Variants in CFAP299 observed in about 807,000 individuals in gnomAD.
CFAP299 encodes cilia and flagella associated protein 299.
CFAP299 carries 21 observed loss-of-function variants against 27.0 expected under a neutral mutation model. The observed-to-expected ratio is 0.78, with a 90% CI of 0.55 to 1.12. The LOEUF is 1.12. CFAP299 is among the 50% of genes most tolerant of loss of function. CFAP299 has a pLI of 0.00. For missense variants in CFAP299, 310 were observed against 276.6 expected, an observed-to-expected ratio of 1.12 and a Z score of -0.86; for synonymous variants, 104 against 98.1, an observed-to-expected ratio of 1.06 and a Z score of -0.36.
At chr4:80,442,728 C>CA (rs1275877263) in intron 2 of CFAP299, among the ~76,000 whole-genome samples, 3 of 152,152 alleles carry the variant, frequency 2.0e-5, no homozygotes, top group Non-Finnish European at 4.4e-5. Flanking sequence ...AAAAACCCTT[C>CA]AAAAAATCAA....
chr4:80,958,176 T>C (rs1269388156), intron 5 of CFAP299, among the ~76,000 whole-genome samples: 2 of 152,148 alleles, frequency 1.3e-5, no homozygotes, highest in Non-Finnish European at 1.5e-5. Flanking sequence ...TTAAGATAAC[T>C]TATACATAGT....
At chr4:80,934,264 C>A (rs1736772769) in intron 4 of CFAP299, among the ~76,000 whole-genome samples, 2 of 151,970 alleles carry the variant, frequency 1.3e-5, no homozygotes, top group African/African-American at 4.8e-5. Flanking sequence ...AGGGATAAAT[C>A]CTACTTGCAA....
At chr4:80,365,388 G>A (rs1723778024) in intron 2 of CFAP299, among the ~76,000 whole-genome samples, 1 of 152,128 alleles carries the variant, frequency 6.6e-6, no homozygotes, top group African/African-American at 2.4e-5. Context: ...CCGCATGTAT[G>A]TCTTCTTTTG....
At chr4:80,572,109 T>C (rs1046276071) in intron 2 of CFAP299, among the ~76,000 whole-genome samples, 2 of 152,182 alleles carry the variant, frequency 1.3e-5, no homozygotes, top group African/African-American at 4.8e-5. Context: ...GATATTTTGA[T>C]ACATGCAGAG....
intron 3 of CFAP299, among the ~76,000 whole-genome samples, chr4:80,631,192 T>A (rs2109946600): frequency 6.6e-6 from 1 of 152,240 alleles, no homozygotes; most frequent in African/African-American, 2.4e-5. Context: ...TCAGTATTTA[T>A]AAAAGTTGCC....
intron 2 of CFAP299, among the ~76,000 whole-genome samples, chr4:80,491,519 A>G (rs780778411): frequency 1.1e-4 from 17 of 152,132 alleles, no homozygotes; most frequent in Non-Finnish European, 2.1e-4. Context: ...TTTTTGTTGT[A>G]TTCAGATAAA....
At chr4:80,528,069 A>T (rs1303249078) in intron 2 of CFAP299, among the ~76,000 whole-genome samples, 1 of 152,142 alleles carries the variant, frequency 6.6e-6, no homozygotes, top group Non-Finnish European at 1.5e-5. Flanking sequence ...CTGGCAGATC[A>T]TTGATTAAGA....
chr4:80,574,300 T>G (rs1358225599), intron 2 of CFAP299, among the ~76,000 whole-genome samples: 1 of 152,186 alleles, frequency 6.6e-6, no homozygotes, highest in Non-Finnish European at 1.5e-5. Context: ...CTATATTAAT[T>G]TTGTATTCTG....
intron 3 of CFAP299, among the ~76,000 whole-genome samples, chr4:80,598,751 C>T (rs1415924205): frequency 6.6e-6 from 1 of 152,182 alleles, no homozygotes; most frequent in Non-Finnish European, 1.5e-5. Flanking sequence ...CTCTAGGTGA[C>T]ATTGCTCCTA....
chr4:80,719,185 G>T, intron 3 of CFAP299, among the ~76,000 whole-genome samples: 1 of 152,052 alleles, frequency 6.6e-6, no homozygotes, highest in Admixed American at 6.6e-5. Flanking sequence ...AATACTGTCA[G>T]ATACTAAGTT....
intron 2 of CFAP299, among the ~76,000 whole-genome samples, chr4:80,485,433 T>C (rs1730765627): frequency 6.6e-6 from 1 of 151,888 alleles, no homozygotes; most frequent in Non-Finnish European, 1.5e-5. Flanking sequence ...TAAAAGAGAA[T>C]TCCAGAAACC....
chr4:80,834,174 T>C (rs1166885867), intron 3 of CFAP299, among the ~76,000 whole-genome samples: 1 of 152,212 alleles, frequency 6.6e-6, no homozygotes, highest in Non-Finnish European at 1.5e-5. Flanking sequence ...CATTGGGTAA[T>C]ACTCAATAAA....
chr4:80,885,363 A>G (rs1169795766), intron 4 of CFAP299, among the ~76,000 whole-genome samples: 2 of 152,186 alleles, frequency 1.3e-5, no homozygotes, highest in Non-Finnish European at 2.9e-5. Flanking sequence ...ACTACTGCGG[A>G]ATGTGACCTA....
chr4:80,351,337 A>G (rs1413676299), intron 1 of CFAP299, among the ~76,000 whole-genome samples: 1 of 152,180 alleles, frequency 6.6e-6, no homozygotes, highest in Non-Finnish European at 1.5e-5. Flanking sequence ...ACAGTATGAA[A>G]CAACAATAGC....
At chr4:80,893,055 C>T (rs1264805526) in intron 4 of CFAP299, among the ~76,000 whole-genome samples, 1 of 150,302 alleles carries the variant, frequency 6.7e-6, no homozygotes, top group East Asian at 1.9e-4. Flanking sequence ...CAAAAATCAA[C>T]ATATAAAAAA....
chr4:80,789,154 G>A (rs1484051641), intron 3 of CFAP299, among the ~76,000 whole-genome samples: 1 of 146,710 alleles, frequency 6.8e-6, no homozygotes, highest in African/African-American at 2.6e-5. Context: ...AGGAAATAGA[G>A]GTGAATAGCT....
intron 1 of CFAP299, among the ~76,000 whole-genome samples, chr4:80,357,611 A>G (rs1031858243): frequency 2.0e-5 from 3 of 152,120 alleles, no homozygotes; most frequent in Non-Finnish European, 4.4e-5. Flanking sequence ...TAGATTTTCT[A>G]GTTTATGTGC....
intron 3 of CFAP299, among the ~76,000 whole-genome samples, chr4:80,784,660 G>A (rs113002990): frequency 0.077 from 11,756 of 152,102 alleles, 532 homozygotes; most frequent in African/African-American, 0.1. Context: ...TGGGATTACA[G>A]GCATGTGCCA....
intron 3 of CFAP299, among the ~76,000 whole-genome samples, chr4:80,787,811 T>C (rs1727330816): frequency 6.6e-6 from 1 of 151,878 alleles, no homozygotes; most frequent in African/African-American, 2.4e-5. Flanking sequence ...ATATGGAGTT[T>C]TTCCCTATCT....
Sources: gnomAD v4.1 joint callset for allele counts (sites outside exome capture counted in the v4.1 genomes callset) on GRCh38, gnomAD v4.1.1 for gene constraint, MANE v1.5 for transcripts, NCBI Gene and HGNC (gene_info 2026-07-23, HGNC 2026-07-21) for gene names.